The following STIM2 variants were observed in gnomAD, a reference collection of about 807,000 sequenced individuals.
The protein encoded by STIM2 is stromal interaction molecule 2.
A neutral mutation model predicts 85.8 loss-of-function variants in STIM2; 31 were observed. That is an observed-to-expected ratio of 0.36 (90% CI 0.27 to 0.49). The LOEUF (loss-of-function observed/expected upper bound fraction) is 0.49, where lower values mean the gene tolerates loss of function less well. STIM2 is among the 20% of genes least tolerant of loss of function. STIM2 has a pLI of 0.98. For missense variants in STIM2, 841 were observed against 927.6 expected (o/e 0.91, Z 1.21); for synonymous variants, 356 against 331.1 (o/e 1.08, Z -0.82).
At chr4:26,922,175 A>G (rs1221262993) in intron 2 of STIM2, among the ~76,000 whole-genome samples, 1 of 152,070 alleles carries the variant, frequency 6.6e-6, no homozygotes, top group Non-Finnish European at 1.5e-5. Context: ...TGGATAATTC[A>G]TTCTCTCAAC....
Position 27,017,700 on chromosome 4 carries a change from G to A in STIM2, c.1490-11G>A. Reference sequence around the variant, plus strand: ...ACTTCATGAGCATGTTTCTTTCTTGGTGTTTTTCAGGGACCATGGCTAAAC... The same window carrying A: ...ACTTCATGAGCATGTTTCTTTCTTGATGTTTTTCAGGGACCATGGCTAAAC... On this transcript the variant is annotated splice_polypyrimidine_tract_variant and intron_variant, in intron 10 of 11. Coordinates refer to ENST00000467087, the MANE Select transcript of STIM2 (RefSeq NM_020860.4). 1 of 1,612,350 alleles carries A rather than the reference G, an allele frequency of 6.2e-7. No homozygotes were observed. Among genetic ancestry groups the A allele is most frequent in the Non-Finnish European group, 8.5e-7 (1 of 1,178,548 alleles).
At chr4:27,014,447 T>C (rs1207936107) in intron 10 of STIM2, among the ~76,000 whole-genome samples, 1 of 151,864 alleles carries the variant, frequency 6.6e-6, no homozygotes, top group African/African-American at 2.4e-5. Flanking sequence ...TAGAAGCATA[T>C]GTTTTAATTT....
At position 27,023,788 on chromosome 4, in the gene STIM2, A is replaced by T. The variant is rs1172999747; in HGVS notation, c.*792A>T. 1 of 152,664 alleles carries T rather than the reference A, an allele frequency of 6.6e-6. No individual in the cohort carries two copies. Among genetic ancestry groups the T allele is most frequent in the Non-Finnish European group, 1.5e-5 (1 of 68,048 alleles). The allele number at this position is 152,664 out of a possible 1,614,324, so 9.5% of individuals were successfully genotyped here. ...AAAGAGAGAAGGCTCTTGATTCCTT[A>T]TGCAAGTGGAAGAGTTGAAACTTGA... On this transcript the variant is annotated 3_prime_UTR_variant, in exon 12 of 12. Transcript: ENST00000467087.
intron 4 of STIM2, 107 bp from the exon 5 acceptor site, chr4:26,999,125 A>G (rs981797502): frequency 2.3e-5 from 9 of 386,946 alleles, no homozygotes; most frequent in South Asian, 1.1e-4. Flanking sequence ...GTGATCATCA[A>G]TAATATGTAA....
At position 26,964,903 on chromosome 4, in the gene STIM2, A is replaced by T. The variant is rs565692705; in HGVS notation, c.397+7177A>T. On this transcript the variant is annotated intron_variant, in intron 3 of 11. Transcript: ENST00000467087. ...AGTTAAGTAAAGCCAGACGAGCTGC[A>T]TTAAGGAACATTTACTTTCATCTTT... Among the ~76,000 whole-genome samples, 17 of 152,336 alleles carry T rather than the reference A, an allele frequency of 1.1e-4. No homozygotes were observed. The South Asian group carries it at 3.5e-3, about 32-fold the overall frequency.
chr4:26,919,995 C>T (rs1207398049), intron 2 of STIM2, among the ~76,000 whole-genome samples: 1 of 152,166 alleles, frequency 6.6e-6, no homozygotes, highest in Non-Finnish European at 1.5e-5. Flanking sequence ...TGTGGGATCA[C>T]TGGCCCCAGC....
Position 27,022,569 on chromosome 4 carries a change from G to C in STIM2, c.1814G>C (p.Gly605Ala). The change falls in exon 12 of 12, where the codon GGA becomes GCA. Residue 605 changes from glycine (G) to alanine (A), a missense_variant. Transcript: ENST00000467087. ...TGTGACTCCTTAAATTCTTCCATTG[G>C]AAGGAAACAGTCTCCTCCTTTAAGC... 6.2e-7 allele frequency: 1 copy of C among 1,608,982 alleles called. No individual in the cohort carries two copies. The highest frequency in any genetic ancestry group is 1.1e-5 in the South Asian group (1 of 90,962).
chr4:26,875,316 C>A (rs1722777321), intron 1 of STIM2, among the ~76,000 whole-genome samples: 1 of 152,060 alleles, frequency 6.6e-6, no homozygotes, highest in Non-Finnish European at 1.5e-5. Context: ...TGAATGTAAC[C>A]AAACTTATAT....
intron 2 of STIM2, among the ~76,000 whole-genome samples, chr4:26,937,456 C>G (rs1441698201): frequency 6.6e-6 from 1 of 152,130 alleles, no homozygotes; most frequent in East Asian, 1.9e-4. Flanking sequence ...ATCTAATATA[C>G]TTTTTTGCGA....
chr4:27,019,536 C>A, intron 11 of STIM2: 2 of 1,243,880 alleles, frequency 1.6e-6, no homozygotes, highest in Non-Finnish European at 2.1e-6. Flanking sequence ...GTTCTCATTT[C>A]AATAGCAATG....
intron 1 of STIM2, chr4:26,874,153 C>A (rs750414237): frequency 5.1e-5 from 26 of 511,662 alleles, no homozygotes; most frequent in Non-Finnish European, 8.8e-5. Context: ...CAGGAGGGGT[C>A]TCCCCAGAGA....
intron 2 of STIM2, among the ~76,000 whole-genome samples, chr4:26,930,507 T>C (rs1725167538): frequency 6.6e-6 from 1 of 152,170 alleles, no homozygotes; most frequent in Non-Finnish European, 1.5e-5. Context: ...GATATACATA[T>C]ATAAAACAAA....
intron 1 of STIM2, among the ~76,000 whole-genome samples, chr4:26,861,923 A>G (rs902487250): frequency 6.6e-6 from 1 of 152,128 alleles, no homozygotes; most frequent in African/African-American, 2.4e-5. Context: ...AGAAATGCCT[A>G]AGTTTACAGT....
At chr4:27,003,221 T>C (rs1189995286) in intron 7 of STIM2, 117 bp downstream of exon 7, 4 of 938,220 alleles carry the variant, frequency 4.3e-6, no homozygotes, top group African/African-American at 1.8e-5. Context: ...CCTCAGTTGA[T>C]AAAAGACTCA....
chr4:26,902,958 A>G (rs1723980475), intron 1 of STIM2, among the ~76,000 whole-genome samples: 1 of 152,062 alleles, frequency 6.6e-6, no homozygotes, highest in African/African-American at 2.4e-5. Context: ...AACTACCTAG[A>G]TTTGTCTTTC....
intron 2 of STIM2, among the ~76,000 whole-genome samples, chr4:26,950,313 G>A (rs983771525): frequency 6.6e-6 from 1 of 151,400 alleles, no homozygotes; most frequent in Non-Finnish European, 1.5e-5. Flanking sequence ...ATTATCTTAT[G>A]TACAAAAACT....
intron 1 of STIM2, among the ~76,000 whole-genome samples, chr4:26,915,103 G>A (rs773422726): frequency 2.6e-5 from 4 of 152,230 alleles, no homozygotes; most frequent in Admixed American, 2.6e-4. Context: ...AGTTACTCAT[G>A]AGTCTTACTT....
chr4:26,992,247 G>A (rs374717080), intron 3 of STIM2, among the ~76,000 whole-genome samples: 1 of 152,092 alleles, frequency 6.6e-6, no homozygotes, highest in Non-Finnish European at 1.5e-5. Context: ...CATGTTCTAC[G>A]TCATTCAACA....
chr4:27,010,070 G>A (rs1033075205), intron 10 of STIM2, among the ~76,000 whole-genome samples: 2 of 152,184 alleles, frequency 1.3e-5, no homozygotes, highest in African/African-American at 4.8e-5. Flanking sequence ...AATTATTCTA[G>A]TTTTAAGTGA....
Sources: allele counts gnomAD v4.1 joint callset (sites outside exome capture counted in the v4.1 genomes callset), GRCh38; gene constraint gnomAD v4.1.1; transcripts MANE v1.5; gene names NCBI Gene and HGNC (gene_info 2026-07-23, HGNC 2026-07-21).